Variants in ADGRB3 observed in about 807,000 individuals in gnomAD.
ADGRB3 encodes brain-specific angiogenesis inhibitor 3.
ADGRB3 carries 37 observed loss-of-function variants against 193.4 expected under a neutral mutation model. That is an observed-to-expected ratio of 0.19 (90% CI 0.15 to 0.25). The LOEUF (loss-of-function observed/expected upper bound fraction) is 0.25, where lower values mean the gene tolerates loss of function less well. ADGRB3 is among the 10% of genes least tolerant of loss of function. The pLI is 1.00. For missense variants in ADGRB3, 1,637 were observed against 1,852.9 expected (o/e 0.88, Z 2.14); for synonymous variants, 690 against 644.2 (o/e 1.07, Z -1.08).
At chr6:68,814,396 A>C (rs1323852003) in intron 3 of ADGRB3, among the ~76,000 whole-genome samples, 1 of 151,888 alleles carries the variant, frequency 6.6e-6, no homozygotes, top group Non-Finnish European at 1.5e-5. Context: ...CCACTTTTTG[A>C]TGGTGTTGTT....
intron 17 of ADGRB3, among the ~76,000 whole-genome samples, chr6:69,220,293 T>C (rs949439090): frequency 6.6e-6 from 1 of 152,148 alleles, no homozygotes; most frequent in African/African-American, 2.4e-5. Context: ...ATTACAAGTA[T>C]TATCCAATAC....
intron 6 of ADGRB3, among the ~76,000 whole-genome samples, chr6:68,949,695 A>C (rs1767865332): frequency 6.6e-6 from 1 of 152,162 alleles, no homozygotes; most frequent in Non-Finnish European, 1.5e-5. Flanking sequence ...TTTAATTGAT[A>C]TGGATTTTAT....
chr6:68,752,322 A>G (rs1296299271), intron 3 of ADGRB3, among the ~76,000 whole-genome samples: 3 of 146,174 alleles, frequency 2.1e-5, no homozygotes, highest in Non-Finnish European at 3.0e-5. Flanking sequence ...TGTCACCCAC[A>G]TTGGAGTGCA....
chr6:69,121,454 T>C (rs1204806662), intron 17 of ADGRB3, among the ~76,000 whole-genome samples: 1 of 152,072 alleles, frequency 6.6e-6, no homozygotes, highest in Non-Finnish European at 1.5e-5. Context: ...TTTCCCCATA[T>C]TTCCCCCTTT....
intron 20 of ADGRB3, among the ~76,000 whole-genome samples, chr6:69,317,272 G>T (rs1366546586): frequency 1.3e-5 from 2 of 151,312 alleles, no homozygotes; most frequent in Non-Finnish European, 3.0e-5. Flanking sequence ...TTTCCCTTTG[G>T]GGGAGAATAT....
intron 13 of ADGRB3, among the ~76,000 whole-genome samples, chr6:69,046,308 G>A (rs976993349): frequency 1.3e-5 from 2 of 152,118 alleles, no homozygotes; most frequent in African/African-American, 4.8e-5. Flanking sequence ...GACATCAAAA[G>A]TTAGAGTTAA....
intron 10 of ADGRB3, among the ~76,000 whole-genome samples, chr6:68,993,448 C>G (rs1213866744): frequency 6.6e-6 from 1 of 152,098 alleles, no homozygotes; most frequent in Non-Finnish European, 1.5e-5. Flanking sequence ...TTACCACATG[C>G]TAAAGTATTT....
intron 20 of ADGRB3, among the ~76,000 whole-genome samples, chr6:69,240,632 A>G (rs1363061487): frequency 6.6e-6 from 1 of 151,850 alleles, no homozygotes; most frequent in African/African-American, 2.4e-5. Context: ...AAATGAGGGT[A>G]AACATGGATG....
At chr6:68,726,697 C>T (rs1336744418) in intron 3 of ADGRB3, among the ~76,000 whole-genome samples, 1 of 151,602 alleles carries the variant, frequency 6.6e-6, no homozygotes, top group Non-Finnish European at 1.5e-5. Context: ...TTTTTGAGAT[C>T]TGACATCCTG....
chr6:68,853,722 T>G (rs1288397140), intron 3 of ADGRB3, among the ~76,000 whole-genome samples: 1 of 152,080 alleles, frequency 6.6e-6, no homozygotes, highest in Non-Finnish European at 1.5e-5. Flanking sequence ...CTGAAGAAGT[T>G]GTTCTAACTT....
At chr6:68,703,921 C>A (rs118082074) in intron 3 of ADGRB3, among the ~76,000 whole-genome samples, 3,366 of 152,128 alleles carry the variant, frequency 0.022, 65 homozygotes, top group South Asian at 0.07. Context: ...CTGTGCCCGG[C>A]CATTAAAATT....
intron 17 of ADGRB3, among the ~76,000 whole-genome samples, chr6:69,223,846 A>G (rs1353374712): frequency 6.6e-6 from 1 of 151,754 alleles, no homozygotes; most frequent in Non-Finnish European, 1.5e-5. Flanking sequence ...TAGTACAGTC[A>G]GGATTTCACT....
chr6:68,965,914 A>G (rs1372841736), intron 8 of ADGRB3, among the ~76,000 whole-genome samples: 1 of 152,196 alleles, frequency 6.6e-6, no homozygotes, highest in Non-Finnish European at 1.5e-5. Flanking sequence ...TTAAACAGAA[A>G]AAATAATTAA....
intron 13 of ADGRB3, among the ~76,000 whole-genome samples, chr6:69,040,038 C>A (rs556011995): frequency 6.6e-6 from 1 of 152,008 alleles, no homozygotes; most frequent in Non-Finnish European, 1.5e-5. Context: ...CCATGCCCGG[C>A]CCTACATAAT....
chr6:68,662,651 A>G (rs530627431), intron 3 of ADGRB3, among the ~76,000 whole-genome samples: 3 of 151,604 alleles, frequency 2.0e-5, no homozygotes, highest in Non-Finnish European at 3.0e-5. Flanking sequence ...AGTATATCTC[A>G]AAACAGTATT....
chr6:69,239,541 T>A (rs984065071), intron 20 of ADGRB3, among the ~76,000 whole-genome samples: 3 of 152,152 alleles, frequency 2.0e-5, no homozygotes, highest in Middle Eastern at 3.4e-3. Flanking sequence ...ATTAGTCTAA[T>A]TGTAAGAAGA....
rs544185264 is a variant in ADGRB3, at chr6:68,922,023, AAGTT to A, written c.758-8530_758-8527del. 3.7e-4 allele frequency among the ~76,000 whole-genome samples: 57 copies of A among 152,316 alleles called. 1 individual carries two copies. In the East Asian group the frequency reaches 6.9e-3, roughly 19 times the overall value. On this transcript the variant is annotated intron_variant, in intron 3 of 31. Transcript: ENST00000370598. ...CTCTATGAATGAAAAACTAAATTAA[AAGTT>A]AGTTATAAGAGAAATGTATATATAA...
At chr6:69,064,329 T>C (rs141753070) in intron 16 of ADGRB3, among the ~76,000 whole-genome samples, 11,690 of 151,742 alleles carry the variant, frequency 0.077, 565 homozygotes, top group Non-Finnish European at 0.11. Context: ...AACTTTAAAC[T>C]ATTCTAAATA....
At chr6:68,881,784 C>A (rs959401224) in intron 3 of ADGRB3, among the ~76,000 whole-genome samples, 1 of 152,128 alleles carries the variant, frequency 6.6e-6, no homozygotes, top group Middle Eastern at 3.2e-3. Context: ...GAATAAAACA[C>A]CCTTTGTTTC....
Sources: gnomAD v4.1 joint callset for allele counts (sites outside exome capture counted in the v4.1 genomes callset) on GRCh38, gnomAD v4.1.1 for gene constraint, MANE v1.5 for transcripts, NCBI Gene and HGNC (gene_info 2026-07-23, HGNC 2026-07-21) for gene names.